The following PCSK5 variants were observed in gnomAD, a reference collection of about 807,000 sequenced individuals.
The protein encoded by PCSK5 is prohormone convertase 5.
A neutral mutation model predicts 233.2 loss-of-function variants in PCSK5; 129 were observed. The ratio of observed to expected loss-of-function variants is 0.55; its 90% CI spans 0.48 to 0.64. The LOEUF (loss-of-function observed/expected upper bound fraction) is 0.64. PCSK5 is among the 30% of genes least tolerant of loss of function. The probability of loss-of-function intolerance (pLI) is 0.00; values close to 1 mark genes in which losing one functional copy is unlikely to be tolerated. For missense variants in PCSK5, 2,076 were observed against 2,430.1 expected, an observed-to-expected ratio of 0.85 and a Z score of 3.06; for synonymous variants, 825 against 879.2, an observed-to-expected ratio of 0.94 and a Z score of 1.09.
At chr9:76,184,403 A>G (rs1020129011) in intron 16 of PCSK5, among the ~76,000 whole-genome samples, 1 of 137,904 alleles carries the variant, frequency 7.3e-6, no homozygotes, top group Admixed American at 7.5e-5. Flanking sequence ...AAAAAGACCT[A>G]TAAACTATTC....
In PCSK5 at chr9:75,946,311, C is replaced by T. The variant is rs186711320; in HGVS notation, c.297+13828C>T. On this transcript the variant is annotated intron_variant, in intron 2 of 37. Coordinates refer to ENST00000674117, the MANE Select transcript of PCSK5 (RefSeq NM_001372043.1). The stretch of plus-strand genomic sequence containing the variant: ...AGACACTGTTATAAAATGAAAGCAA[C>T]ATCAATTGCATTTAGGATATTTGGA... Among the ~76,000 whole-genome samples the T allele has an allele frequency of 2.4e-4, 37 of 152,298 alleles. No individual in the cohort carries two copies. In the East Asian group the frequency reaches 5.8e-3, roughly 24 times the overall value.
intron 5 of PCSK5, among the ~76,000 whole-genome samples, chr9:76,044,166 A>T (rs968226166): frequency 2.0e-5 from 3 of 152,232 alleles, no homozygotes; most frequent in Admixed American, 2.0e-4. Context: ...ATCAGATATA[A>T]TTAGACCAAC....
chr9:76,281,749 A>G (rs1827871502), intron 24 of PCSK5, among the ~76,000 whole-genome samples: 1 of 152,162 alleles, frequency 6.6e-6, no homozygotes, highest in Non-Finnish European at 1.5e-5. Flanking sequence ...CCTGGGCTCA[A>G]GCAATTCTTC....
intron 34 of PCSK5, among the ~76,000 whole-genome samples, chr9:76,336,849 G>A (rs902408469): frequency 3.3e-5 from 5 of 152,096 alleles, no homozygotes; most frequent in African/African-American, 9.7e-5. Context: ...AGGTCATACA[G>A]CTTGTAAGTG....
chr9:76,184,565 C>A, intron 16 of PCSK5, 108 bp from the exon 17 acceptor site: 1 of 597,500 alleles, frequency 1.7e-6, no homozygotes, highest in South Asian at 2.4e-5. Context: ...ATTGTCTAGT[C>A]AAGGCCATAG....
intron 2 of PCSK5, among the ~76,000 whole-genome samples, chr9:75,951,918 A>G (rs1365498147): frequency 2.0e-5 from 3 of 151,466 alleles, no homozygotes; most frequent in Non-Finnish European, 4.4e-5. Context: ...ACAAATACCA[A>G]GGGATGACTG....
At chr9:76,058,998 A>T (rs574732535) in intron 5 of PCSK5, among the ~76,000 whole-genome samples, 3 of 152,168 alleles carry the variant, frequency 2.0e-5, no homozygotes, top group Non-Finnish European at 4.4e-5. Context: ...CACAGACGAA[A>T]AAAAAGAAAG....
chr9:76,212,933 T>C (rs1233652695), intron 20 of PCSK5, among the ~76,000 whole-genome samples: 2 of 152,238 alleles, frequency 1.3e-5, no homozygotes, highest in African/African-American at 2.4e-5. Flanking sequence ...CAGCTACTTA[T>C]GTACCATAGT....
intron 30 of PCSK5, among the ~76,000 whole-genome samples, chr9:76,313,871 A>AGAAGTCAGGTTT (rs1245947204): frequency 6.6e-6 from 1 of 152,114 alleles, no homozygotes; most frequent in African/African-American, 2.4e-5. Context: ...AACCCAGGTG[A>AGAAGTCAGGTTT]GAAGTCAGGT....
chr9:76,181,430 A>G lies in PCSK5; in HGVS notation c.2036A>G (p.Tyr679Cys). ...GTCTCCAGCTGCCCCCCTGGCCACT[A>G]CCACGCCGACAAGAAGCGCTGCAGG... ...ICVSSCPPGH[Y>C]HADKKRCRKC... Residue 679 changes from tyrosine (Y) to cysteine (C), a missense_variant, in exon 16 of 38, where the codon TAC (tyrosine) becomes TGC (cysteine). Around this residue, in one of 6 missense-constraint regions of PCSK5, gnomAD observed 1,510 missense variants for 1,538.1 expected, o/e 0.98. Coordinates refer to ENST00000674117, the MANE Select transcript of PCSK5 (RefSeq NM_001372043.1). 1 of 1,613,892 alleles carries G rather than the reference A, an allele frequency of 6.2e-7. No individual in the cohort carries two copies.
At position 76,273,840 on chromosome 9, in the gene PCSK5, G is replaced by A. The variant is rs1033453595; in HGVS notation, c.3143-18393G>A. On this transcript the variant is annotated intron_variant, in intron 24 of 37. Coordinates refer to ENST00000674117, the MANE Select transcript of PCSK5 (RefSeq NM_001372043.1). ...TTCTTTTTTTTTTTGTAGAGACAGG[G>A]TCTTGCTATATTGCCTAGGCTGGTC... 4.0e-5 allele frequency among the ~76,000 whole-genome samples: 6 copies of A among 149,906 alleles called. No homozygotes were observed. In the South Asian group the frequency reaches 1.1e-3, roughly 26 times the overall value.
intron 24 of PCSK5, among the ~76,000 whole-genome samples, chr9:76,244,041 T>C (rs901286205): frequency 6.6e-6 from 1 of 152,142 alleles, no homozygotes; most frequent in African/African-American, 2.4e-5. Flanking sequence ...CTGGGAAGCA[T>C]GGTGAAACCC....
intron 35 of PCSK5, among the ~76,000 whole-genome samples, chr9:76,350,266 T>C (rs1830085291): frequency 6.6e-6 from 1 of 152,166 alleles, no homozygotes; most frequent in Admixed American, 6.5e-5. Context: ...GAGAAATAAA[T>C]AAGATGTCAA....
chr9:76,100,630 A>C (rs183329129), intron 8 of PCSK5, among the ~76,000 whole-genome samples: 213 of 152,374 alleles, frequency 1.4e-3, no homozygotes, highest in Non-Finnish European at 2.2e-3. Flanking sequence ...AGGGATATCC[A>C]GTATGGGGCT....
At chr9:75,946,838 T>C (rs1245492385) in intron 2 of PCSK5, among the ~76,000 whole-genome samples, 1 of 152,146 alleles carries the variant, frequency 6.6e-6, no homozygotes, top group Non-Finnish European at 1.5e-5. Flanking sequence ...TCCACCCACC[T>C]CGGCCTCCCA....
intron 1 of PCSK5, among the ~76,000 whole-genome samples, chr9:75,903,589 A>ATATATATATATATTATATATATAT (rs201890432): frequency 7.8e-6 from 1 of 128,790 alleles, no homozygotes; most frequent in African/African-American, 3.2e-5. Flanking sequence ...TATATATATA[A>ATATATATATATATTATATATATAT]AATATATATT....
chr9:75,955,265 T>C (rs1825045272), intron 2 of PCSK5, among the ~76,000 whole-genome samples: 1 of 152,076 alleles, frequency 6.6e-6, no homozygotes, highest in Admixed American at 6.6e-5. Flanking sequence ...GTTTTTCTTC[T>C]TTCTGACAAA....
chr9:76,193,256 G>A (rs144739137), intron 20 of PCSK5: 230 of 1,613,310 alleles, frequency 1.4e-4, no homozygotes, highest in African/African-American at 3.7e-4. Flanking sequence ...AGTCCTGGGC[G>A]GAAGGAGGCT....
intron 2 of PCSK5, among the ~76,000 whole-genome samples, chr9:75,978,267 G>C (rs184418243): frequency 2.0e-4 from 31 of 152,126 alleles, no homozygotes; most frequent in African/African-American, 7.0e-4. Context: ...GTCAAGCATC[G>C]TCTTTGGTAC....
Sources: gnomAD v4.1 joint callset for allele counts (sites outside exome capture counted in the v4.1 genomes callset) on GRCh38, gnomAD v4.1.1 for gene constraint, gnomAD v4.1.1 regional missense constraint, MANE v1.5 for transcripts, NCBI Gene and HGNC (gene_info 2026-07-23, HGNC 2026-07-21) for gene names.